Variants in XPR1 observed in about 807,000 individuals in gnomAD.
XPR1 encodes the protein xenotropic and polytropic retrovirus receptor 1.
In XPR1, 28 loss-of-function variants were observed where a neutral mutation model predicts 87.5. The ratio of observed to expected loss-of-function variants is 0.32; its 90% confidence interval spans 0.24 to 0.44. The LOEUF (loss-of-function observed/expected upper bound fraction) is 0.44, where lower values mean the gene tolerates loss of function less well. XPR1 is among the 20% of genes least tolerant of loss of function. The probability of loss-of-function intolerance (pLI) is 1.00; values close to 1 mark genes in which losing one functional copy is unlikely to be tolerated. For missense variants in XPR1, 559 were observed against 862.3 expected (o/e 0.65, Z 4.41); for synonymous variants, 300 against 306.1 (o/e 0.98, Z 0.21).
At chr1:180,715,115 A>C (rs1366013762) in intron 2 of XPR1, among the ~76,000 whole-genome samples, 2 of 152,240 alleles carry the variant, frequency 1.3e-5, no homozygotes, top group Non-Finnish European at 2.9e-5. Flanking sequence ...TAGCATCCAA[A>C]GTGCCTGGTT....
intron 14 of XPR1, among the ~76,000 whole-genome samples, chr1:180,883,126 C>CTTTTTT (rs10690260): frequency 5.7e-5 from 5 of 87,200 alleles, no homozygotes; most frequent in Non-Finnish European, 6.4e-5. Flanking sequence ...TCATACCTGG[C>CTTTTTT]TTTTTTTTTT....
In XPR1 at chr1:180,881,322, C is replaced by T. The variant is rs190118034; in HGVS notation, c.2030+1025C>T. Among the ~76,000 whole-genome samples the T allele has an allele frequency of 2.3e-4, 35 of 152,232 alleles. 1 individual carries two copies. The highest frequency in any genetic ancestry group is 6.0e-4 in the African/African-American group (25 of 41,538). On this transcript the variant is annotated intron_variant, in intron 14 of 14. Transcript: ENST00000367590. ...GGGACTACAGGCGTCCGCTACCACA[C>T]GCAGCTAATTTTTTGTGTTTTTGGT...
chr1:180,856,881 G>A (rs1477886238), intron 11 of XPR1, among the ~76,000 whole-genome samples: 1 of 152,128 alleles, frequency 6.6e-6, no homozygotes. Flanking sequence ...GAGCTGCACT[G>A]TTGCATAATT....
intron 4 of XPR1, among the ~76,000 whole-genome samples, 172 bp downstream of exon 4, chr1:180,803,783 A>C (rs1649882281): frequency 2.0e-5 from 3 of 152,186 alleles, no homozygotes; most frequent in Admixed American, 6.5e-5. Flanking sequence ...AGGCAGTAAA[A>C]CTGTGTTAAC....
chr1:180,841,195 G>T (rs1317326655), intron 11 of XPR1, among the ~76,000 whole-genome samples: 1 of 152,142 alleles, frequency 6.6e-6, no homozygotes, highest in Non-Finnish European at 1.5e-5. Flanking sequence ...CTCTAACTCA[G>T]TCTCCTAGGC....
chr1:180,677,416 G>A (rs1426667463), intron 1 of XPR1, among the ~76,000 whole-genome samples: 1 of 152,126 alleles, frequency 6.6e-6, no homozygotes, highest in Non-Finnish European at 1.5e-5. Context: ...GTGCTGATTG[G>A]TTGGGTTGGA....
chr1:180,743,282 G>C (rs1381464598), intron 2 of XPR1, among the ~76,000 whole-genome samples: 2 of 145,372 alleles, frequency 1.4e-5, no homozygotes, highest in East Asian at 4.0e-4. Flanking sequence ...ATTTTTTCTT[G>C]TATCTGTTTC....
At chr1:180,757,923 G>C (rs181821621) in intron 2 of XPR1, among the ~76,000 whole-genome samples, 2 of 139,470 alleles carry the variant, frequency 1.4e-5, no homozygotes, top group East Asian at 4.4e-4. Context: ...ATGGGTTATA[G>C]TGATAAGAAA....
At chr1:180,711,440 C>T (rs1050710855) in intron 2 of XPR1, among the ~76,000 whole-genome samples, 1 of 152,194 alleles carries the variant, frequency 6.6e-6, no homozygotes, top group Non-Finnish European at 1.5e-5. Flanking sequence ...AGCGAAACCC[C>T]GTCTCCACCA....
At chr1:180,712,322 G>A (rs1435883496) in intron 2 of XPR1, among the ~76,000 whole-genome samples, 1 of 152,068 alleles carries the variant, frequency 6.6e-6, no homozygotes, top group East Asian at 1.9e-4. Flanking sequence ...CTATACGAAG[G>A]GATGATTCTC....
chr1:180,823,934 T>C (rs1650729207), intron 7 of XPR1, among the ~76,000 whole-genome samples: 1 of 152,264 alleles, frequency 6.6e-6, no homozygotes, highest in African/African-American at 2.4e-5. Context: ...ATAGTAAGCA[T>C]TCCGTAAATA....
At chr1:180,839,082 T>C (rs1231759893) in intron 11 of XPR1, among the ~76,000 whole-genome samples, 1 of 152,204 alleles carries the variant, frequency 6.6e-6, no homozygotes, top group African/African-American at 2.4e-5. Context: ...GCTATGCAGA[T>C]GAGAATAGGA....
rs1483868595 is a variant in XPR1 at position 180,889,714 on chromosome 1, G to C, written c.*5648G>C. 1 of 152,226 alleles carries C rather than the reference G, an allele frequency of 6.6e-6. No homozygotes were observed. Among genetic ancestry groups the C allele is most frequent in the Non-Finnish European group, 1.5e-5 (1 of 68,044 alleles). The allele number at this position is 152,226 out of a possible 1,614,324, so 9.4% of individuals were successfully genotyped here. On this transcript the variant is annotated 3_prime_UTR_variant, in exon 15 of 15. Transcript: ENST00000367590. ...ATTTTCTGGATTAGCACAGAAGCTTGTATCAATGAAGAGTATTTAGGAGGG... is the reference window on the plus strand; with the variant it reads ...ATTTTCTGGATTAGCACAGAAGCTTCTATCAATGAAGAGTATTTAGGAGGG...
intron 2 of XPR1, among the ~76,000 whole-genome samples, chr1:180,764,269 T>G (rs1323757519): frequency 6.6e-6 from 1 of 152,138 alleles, no homozygotes; most frequent in African/African-American, 2.4e-5. Context: ...GTGTGTAAGT[T>G]GTATATATAA....
chr1:180,795,394 A>G (rs1210594937), intron 3 of XPR1, among the ~76,000 whole-genome samples: 1 of 152,136 alleles, frequency 6.6e-6, no homozygotes, highest in Non-Finnish European at 1.5e-5. Flanking sequence ...ATGAGAGCTT[A>G]TGGCGTTAAC....
chr1:180,858,043 C>G (rs968216854), intron 11 of XPR1, among the ~76,000 whole-genome samples: 1 of 151,972 alleles, frequency 6.6e-6, no homozygotes, highest in African/African-American at 2.4e-5. Flanking sequence ...ATGGAGAAAC[C>G]CTGTCTCTAC....
intron 14 of XPR1, among the ~76,000 whole-genome samples, chr1:180,880,722 G>A (rs180821046): frequency 1.4e-3 from 208 of 152,266 alleles, no homozygotes; most frequent in African/African-American, 4.7e-3. Flanking sequence ...CTTGCTTATA[G>A]GGAGGTTAAG....
At chr1:180,638,862 T>C (rs1401767388) in intron 1 of XPR1, among the ~76,000 whole-genome samples, 1 of 152,200 alleles carries the variant, frequency 6.6e-6, no homozygotes, top group Non-Finnish European at 1.5e-5. Context: ...TACTTTATAC[T>C]TCTGTATAAA....
intron 1 of XPR1, among the ~76,000 whole-genome samples, chr1:180,674,093 T>C (rs1307716972): frequency 1.3e-5 from 2 of 152,268 alleles, no homozygotes; most frequent in Non-Finnish European, 2.9e-5. Context: ...TATGCATGTA[T>C]GATCATGAAT....
Sources: gnomAD v4.1 joint callset for allele counts (sites outside exome capture counted in the v4.1 genomes callset) on GRCh38, gnomAD v4.1.1 for gene constraint, MANE v1.5 for transcripts, NCBI Gene and HGNC (gene_info 2026-07-23, HGNC 2026-07-21) for gene names.